Variants in CDYL2 observed in about 807,000 individuals in gnomAD.
CDYL2 encodes chromodomain Y like 2.
A neutral mutation model predicts 49.4 loss-of-function variants in CDYL2; 23 were observed. That is an observed-to-expected ratio of 0.47 (90% CI 0.34 to 0.66). CDYL2 has a LOEUF of 0.66. Ranked by LOEUF, CDYL2 falls within the 30% of genes least tolerant of loss-of-function variation. The probability of loss-of-function intolerance (pLI) is 0.01; values close to 1 mark genes in which losing one functional copy is unlikely to be tolerated. For missense variants in CDYL2, 678 were observed against 656.4 expected (o/e 1.03, Z -0.36); for synonymous variants, 360 against 268.8 (o/e 1.34, Z -3.32).
At position 80,609,290 on chromosome 16, in the gene CDYL2, C is replaced by T. The variant is rs552375336; in HGVS notation, c.1219-1055G>A. On this transcript the variant is annotated intron_variant, in intron 5 of 6. Coordinates refer to ENST00000570137, the MANE Select transcript of CDYL2 (RefSeq NM_152342.4). The stretch of plus-strand genomic sequence containing the variant: ...ATCCATGTGATAGGGTCCGCACGGC[C>T]GGCAACGCCTTCCCCACCTGCTCTT... 3.3e-5 allele frequency among the ~76,000 whole-genome samples: 5 copies of T among 152,240 alleles called. No individual in the cohort carries two copies. The East Asian group carries it at 5.8e-4, about 18-fold the overall frequency.
intron 2 of CDYL2, among the ~76,000 whole-genome samples, chr16:80,642,168 T>C (rs567822184): frequency 1.1e-4 from 16 of 152,140 alleles, no homozygotes; most frequent in African/African-American, 3.9e-4. Flanking sequence ...AGTCGCCGGG[T>C]GTGGTGGCTC....
intron 1 of CDYL2, among the ~76,000 whole-genome samples, chr16:80,768,181 T>C (rs1906788774): frequency 1.3e-5 from 2 of 152,206 alleles, no homozygotes; most frequent in Non-Finnish European, 1.5e-5. Flanking sequence ...AGCCACACTG[T>C]GGCCAATGAA....
intron 2 of CDYL2, among the ~76,000 whole-genome samples, chr16:80,655,105 C>T (rs1168948073): frequency 6.6e-6 from 1 of 152,212 alleles, no homozygotes; most frequent in Non-Finnish European, 1.5e-5. Context: ...GGACATCCAT[C>T]CCTGCTGGGG....
intron 6 of CDYL2, 101 bp downstream of exon 6, chr16:80,607,991 G>A: frequency 7.3e-7 from 1 of 1,361,356 alleles, no homozygotes; most frequent in African/African-American, 1.5e-5. Flanking sequence ...TATTCCCTGT[G>A]CGACCTCTAG....
chr16:80,786,198 T>G (rs1363439625), intron 1 of CDYL2, among the ~76,000 whole-genome samples: 2 of 152,150 alleles, frequency 1.3e-5, no homozygotes, highest in Non-Finnish European at 2.9e-5. Context: ...GGGAGAAAAT[T>G]TTTGCAATCT....
At chr16:80,653,838 C>G (rs946806855) in intron 2 of CDYL2, among the ~76,000 whole-genome samples, 52 of 152,192 alleles carry the variant, frequency 3.4e-4, no homozygotes, top group African/African-American at 1.0e-3. Context: ...CTTACACTTG[C>G]GTGTACACAG....
intron 1 of CDYL2, among the ~76,000 whole-genome samples, chr16:80,686,624 G>T (rs956774500): frequency 6.6e-6 from 1 of 152,290 alleles, no homozygotes. Flanking sequence ...ATGTTTACGT[G>T]TTTGAATTTT....
intron 5 of CDYL2, among the ~76,000 whole-genome samples, chr16:80,609,943 G>C (rs1284085958): frequency 2.0e-5 from 3 of 152,080 alleles, no homozygotes; most frequent in Non-Finnish European, 4.4e-5. Context: ...GTCACTTAAC[G>C]TCACAAAGCC....
intron 2 of CDYL2, among the ~76,000 whole-genome samples, chr16:80,665,728 G>A (rs1199352377): frequency 6.6e-6 from 1 of 152,014 alleles, no homozygotes. Context: ...TGGAACAGAA[G>A]AAGAAAGAAC....
chr16:80,751,442 C>G (rs373995902), intron 1 of CDYL2, among the ~76,000 whole-genome samples: 4 of 152,254 alleles, frequency 2.6e-5, no homozygotes, highest in African/African-American at 9.6e-5. Flanking sequence ...CTGGCAGAAA[C>G]ATAAACAGAA....
chr16:80,744,340 A>G (rs548183362), intron 1 of CDYL2, among the ~76,000 whole-genome samples: 1 of 152,230 alleles, frequency 6.6e-6, no homozygotes, highest in East Asian at 1.9e-4. Context: ...TAACCATAGC[A>G]CAGCTCTGGA....
In CDYL2 at chr16:80,662,243, C is replaced by T. The variant is rs151152568; in HGVS notation, c.616+22295G>A. Among the ~76,000 whole-genome samples, 125 of 152,258 alleles carry T rather than the reference C, an allele frequency of 8.2e-4. No homozygotes were observed. The East Asian group carries it at 0.015, about 19-fold the overall frequency. ...AAAGACACCCAAGGAGAGAACACAG[C>T]GTGAGTGCTATGAATTTTCCTTCCA... On this transcript the variant is annotated intron_variant, in intron 2 of 6. Transcript: ENST00000570137.
At chr16:80,604,761 C>A (rs554454033) in intron 6 of CDYL2, among the ~76,000 whole-genome samples, 1 of 152,182 alleles carries the variant, frequency 6.6e-6, no homozygotes, top group African/African-American at 2.4e-5. Context: ...CCTGGGATGG[C>A]TCAGTGGGGC....
chr16:80,617,389 C>G (rs1443987341), intron 4 of CDYL2, among the ~76,000 whole-genome samples: 1 of 152,222 alleles, frequency 6.6e-6, no homozygotes, highest in South Asian at 2.1e-4. Context: ...AGTTCTTTCA[C>G]AAGAGACTTC....
intron 1 of CDYL2, among the ~76,000 whole-genome samples, chr16:80,704,404 G>A (rs927353191): frequency 3.3e-5 from 5 of 152,256 alleles, no homozygotes; most frequent in African/African-American, 1.2e-4. Flanking sequence ...GCCAGGCACT[G>A]CAGGAGACAC....
intron 6 of CDYL2, among the ~76,000 whole-genome samples, chr16:80,606,927 G>C (rs1051438850): frequency 1.3e-5 from 2 of 152,292 alleles, no homozygotes; most frequent in East Asian, 1.9e-4. Flanking sequence ...CAGCCACATG[G>C]AACAGTGAAT....
At chr16:80,697,450 C>A in intron 1 of CDYL2, among the ~76,000 whole-genome samples, 1 of 152,128 alleles carries the variant, frequency 6.6e-6, no homozygotes, top group Middle Eastern at 3.2e-3. Context: ...ATCTGACAAA[C>A]CCACAGCCAA....
intron 1 of CDYL2, among the ~76,000 whole-genome samples, chr16:80,689,309 G>C (rs1910320764): frequency 6.6e-6 from 1 of 152,194 alleles, no homozygotes; most frequent in Non-Finnish European, 1.5e-5. Flanking sequence ...CACCTGGATG[G>C]CTGTCTCAGT....
intron 2 of CDYL2, among the ~76,000 whole-genome samples, chr16:80,643,593 T>C (rs1293403036): frequency 6.6e-6 from 1 of 152,202 alleles, no homozygotes; most frequent in Admixed American, 6.5e-5. Context: ...TTTCCATACA[T>C]CTTCTGAAAT....
Sources: gnomAD v4.1 joint callset for allele counts (sites outside exome capture counted in the v4.1 genomes callset) on GRCh38, gnomAD v4.1.1 for gene constraint, MANE v1.5 for transcripts, NCBI Gene and HGNC (gene_info 2026-07-23, HGNC 2026-07-21) for gene names.